The following CRYBG1 variants were observed in gnomAD, a reference collection of about 807,000 sequenced individuals.
CRYBG1 encodes crystallin beta-gamma domain containing 1.
Under a neutral mutation model 189.2 loss-of-function variants are expected in CRYBG1, and 139 were observed. That is an observed-to-expected ratio of 0.73 (90% confidence interval 0.64 to 0.85). The LOEUF is 0.85. Ranked by LOEUF, CRYBG1 falls within the 40% of genes least tolerant of loss-of-function variation. The probability of loss-of-function intolerance (pLI) is 0.00; values close to 1 mark genes in which losing one functional copy is unlikely to be tolerated. For synonymous variants in CRYBG1, 1,023 were observed against 1,017.1 expected, an observed-to-expected ratio of 1.01 and a Z score of -0.11; for missense variants, 2,611 against 2,675.8, an observed-to-expected ratio of 0.98 and a Z score of 0.53.
chr6:106,474,242 G>A (rs371243147), intron 2 of CRYBG1, among the ~76,000 whole-genome samples: 347 of 152,294 alleles, frequency 2.3e-3, no homozygotes, highest in African/African-American at 8.0e-3. Flanking sequence ...TATTCAGGAG[G>A]CTGAGATGGG....
rs769616156 is a variant in CRYBG1 at position 106,480,499 on chromosome 6, G to GGA, written c.312+28667_312+28668insGA. Among the ~76,000 whole-genome samples, 182 of 109,776 alleles carry GGA rather than the reference G, an allele frequency of 1.7e-3. 1 individual carries two copies. Among genetic ancestry groups the GGA allele is most frequent in the Middle Eastern group, 4.9e-3 (1 of 206 alleles). 72.0% of individuals were successfully genotyped at this position (109,776 alleles called of 152,430 possible). A position where few individuals can be genotyped will look rare whatever the true frequency, so the allele number is the denominator to read the frequency against. On this transcript the variant is annotated intron_variant, in intron 2 of 21. Coordinates refer to ENST00000633556, the MANE Select transcript of CRYBG1 (RefSeq NM_001371242.2). ...CTAACACGGTATTTTTTTCTCTACTGAAAAAAAAAAAAAAAAATTTAGCCA... is the reference window on the plus strand; with the variant it reads ...CTAACACGGTATTTTTTTCTCTACTGGAAAAAAAAAAAAAAAAAATTTAGCCA...
At chr6:106,472,019 A>T (rs933620897) in intron 2 of CRYBG1, among the ~76,000 whole-genome samples, 2 of 152,154 alleles carry the variant, frequency 1.3e-5, no homozygotes, top group Admixed American at 1.3e-4. Context: ...AAACATACTT[A>T]CTCTCTGAGC....
intron 1 of CRYBG1, among the ~76,000 whole-genome samples, chr6:106,372,857 A>G (rs1770067573): frequency 6.6e-6 from 1 of 152,216 alleles, no homozygotes; most frequent in African/African-American, 2.4e-5. Flanking sequence ...CTACCTTCAT[A>G]TTTATAACTG....
At chr6:106,545,011 AG>A in intron 13 of CRYBG1, 78 bp downstream of exon 13, 1 of 1,190,732 alleles carries the variant, frequency 8.4e-7, no homozygotes, top group African/African-American at 1.5e-5. Context: ...AGTCTATCAC[AG>A]AGTAGGCATT....
Position 106,471,561 on chromosome 6 carries a change from A to C in CRYBG1, c.312+19729A>C, listed in dbSNP as rs73511051. 9.3e-3 allele frequency among the ~76,000 whole-genome samples: 1,410 copies of C among 152,262 alleles called. 22 individuals are homozygous for C. The highest frequency in any genetic ancestry group is 0.033 in the African/African-American group (1,358 of 41,546). On this transcript the variant is annotated intron_variant, in intron 2 of 21. Transcript: ENST00000633556. ...AGAAGTGGCTGGGGATTAATTTCTGAAACATTACCCTCCAAGAAGAATACT... is the reference window on the plus strand; with the variant it reads ...AGAAGTGGCTGGGGATTAATTTCTGCAACATTACCCTCCAAGAAGAATACT...
chr6:106,512,525 C>T lies in CRYBG1; in HGVS notation c.1408C>T (p.Pro470Ser), dbSNP rs774826765. Residue 470 changes from proline to serine, a missense_variant, in exon 3 of 22, where the codon CCG (proline) becomes TCG (serine). Physicochemically the swap from Pro to Ser is moderately conservative, Grantham distance 74. Around this residue, in one of 3 missense-constraint regions of CRYBG1, gnomAD observed 985 missense variants for 924.4 expected, o/e 1.07. Transcript: ENST00000633556. ...NASAEKKVKSPRAALDGGVAS... is the reference protein window; with the variant it reads ...NASAEKKVKSSRAALDGGVAS... ...CTCGGCGGAAAAGAAAGTGAAATCTCCGCGGGCAGCCCTCGACGGGGGCGT... is the reference window on the plus strand; with the variant it reads ...CTCGGCGGAAAAGAAAGTGAAATCTTCGCGGGCAGCCCTCGACGGGGGCGT... The T allele has an allele frequency of 2.5e-6, 4 of 1,609,632 alleles. No homozygotes were observed. The highest frequency in any genetic ancestry group is 3.4e-6 in the Non-Finnish European group (4 of 1,178,568).
At chr6:106,425,657 G>A (rs1417950965) in intron 1 of CRYBG1, among the ~76,000 whole-genome samples, 1 of 152,160 alleles carries the variant, frequency 6.6e-6, no homozygotes, top group Non-Finnish European at 1.5e-5. Context: ...ATGAGACAGA[G>A]TTTCGCTCTT....
Position 106,560,851 on chromosome 6 carries a change from G to A in CRYBG1, c.5904G>A (p.Leu1968=). 1.2e-6 allele frequency: 2 copies of A among 1,613,282 alleles called. No homozygotes were observed. The highest frequency in any genetic ancestry group is 1.1e-5 in the South Asian group (1 of 90,924). The part of the protein sequence containing the change: ...YGSYRGRQFL[L]SPAEVPNWYE... ...GTTACAGAGGGCGACAGTTCCTATT[G>A]TCACCTGCAGAAGTACCTAATTGGT... The change falls in exon 19 of 22, where the codon TTG becomes TTA. Residue 1968 remains leucine, a synonymous_variant. Coordinates refer to ENST00000633556, the MANE Select transcript of CRYBG1 (RefSeq NM_001371242.2).
At chr6:106,443,155 G>A (rs1771597139) in intron 1 of CRYBG1, among the ~76,000 whole-genome samples, 1 of 152,152 alleles carries the variant, frequency 6.6e-6, no homozygotes, top group South Asian at 2.1e-4. Context: ...ATACTGGTGA[G>A]GTGGAAGAAA....
chr6:106,560,048 C>A (rs928473748), intron 18 of CRYBG1, among the ~76,000 whole-genome samples: 1 of 152,056 alleles, frequency 6.6e-6, no homozygotes, highest in Non-Finnish European at 1.5e-5. Flanking sequence ...GAGCTGTGAT[C>A]GTGCCACTGC....
At chr6:106,479,144 C>G (rs1396979718) in intron 2 of CRYBG1, among the ~76,000 whole-genome samples, 1 of 152,158 alleles carries the variant, frequency 6.6e-6, no homozygotes, top group Non-Finnish European at 1.5e-5. Flanking sequence ...CCATTTTTGA[C>G]TGTTATGAAT....
At chr6:106,482,572 G>T (rs750754214) in intron 2 of CRYBG1, among the ~76,000 whole-genome samples, 1 of 152,044 alleles carries the variant, frequency 6.6e-6, no homozygotes, top group Non-Finnish European at 1.5e-5. Context: ...TCAGGAGATC[G>T]AGACCATCCT....
chr6:106,361,980 T>TC (rs1771881951), intron 1 of CRYBG1, among the ~76,000 whole-genome samples: 1 of 137,416 alleles, frequency 7.3e-6, no homozygotes, highest in Non-Finnish European at 1.6e-5. Flanking sequence ...TTTTTTTTTT[T>TC]TTTTTTCTGA....
At chr6:106,482,185 A>C (rs1772477499) in intron 2 of CRYBG1, among the ~76,000 whole-genome samples, 1 of 152,226 alleles carries the variant, frequency 6.6e-6, no homozygotes, top group African/African-American at 2.4e-5. Flanking sequence ...TTGAAGTTGT[A>C]GAACTCATAG....
At chr6:106,413,653 G>A (rs1413013633) in intron 1 of CRYBG1, among the ~76,000 whole-genome samples, 1 of 151,642 alleles carries the variant, frequency 6.6e-6, no homozygotes, top group Non-Finnish European at 1.5e-5. Context: ...CTCTAGCCTG[G>A]GTGACAACGG....
At chr6:106,495,410 A>G (rs1038776423) in intron 2 of CRYBG1, among the ~76,000 whole-genome samples, 1 of 152,188 alleles carries the variant, frequency 6.6e-6, no homozygotes, top group African/African-American at 2.4e-5. Context: ...AAGCAACACT[A>G]TGGTAAGAAA....
intron 4 of CRYBG1, among the ~76,000 whole-genome samples, chr6:106,521,747 C>T (rs1404965926): frequency 9.6e-6 from 1 of 104,696 alleles, no homozygotes; most frequent in Admixed American, 1.5e-4. Context: ...GAGACAGAGT[C>T]TCGCTCTGTC....
chr6:106,384,309 T>C (rs1770343961), intron 1 of CRYBG1, among the ~76,000 whole-genome samples: 1 of 152,210 alleles, frequency 6.6e-6, no homozygotes, highest in Admixed American at 6.5e-5. Context: ...TCATGGAAGA[T>C]GATTTTTCCA....
intron 1 of CRYBG1, among the ~76,000 whole-genome samples, chr6:106,363,213 C>T (rs1328969001): frequency 7.3e-6 from 1 of 137,204 alleles, no homozygotes; most frequent in East Asian, 2.1e-4. Context: ...CACTGCACTC[C>T]AGCCTGGGCG....
Sources: gnomAD v4.1 joint callset for allele counts (sites outside exome capture counted in the v4.1 genomes callset) on GRCh38, gnomAD v4.1.1 for gene constraint, gnomAD v4.1.1 regional missense constraint, MANE v1.5 for transcripts, NCBI Gene and HGNC (gene_info 2026-07-23, HGNC 2026-07-21) for gene names.